LARS1: variants seen among roughly 807,000 people sequenced by gnomAD.
The protein encoded by LARS1 is leucyl-tRNA synthetase 1, also known as leucine--tRNA ligase, cytoplasmic.
LARS1 carries 100 observed loss-of-function variants against 162.8 expected under a neutral mutation model. That is an observed-to-expected ratio of 0.61 (90% CI 0.52 to 0.73). The LOEUF (loss-of-function observed/expected upper bound fraction) is 0.73. Among genes scored for constraint, LARS1 ranks in the 30% least tolerant of loss-of-function variants. The probability of loss-of-function intolerance (pLI) is 0.00; values close to 1 mark genes in which losing one functional copy is unlikely to be tolerated. For synonymous variants in LARS1, 457 were observed against 462.8 expected, an observed-to-expected ratio of 0.99 and a Z score of 0.16; for missense variants, 1,258 against 1,408.9, an observed-to-expected ratio of 0.89 and a Z score of 1.71.
In LARS1 at chr5:146,143,398, A is replaced by C. The variant is rs1414192539; in HGVS notation, c.1877+14T>G. On this transcript the variant is annotated intron_variant, in intron 19 of 31. Coordinates refer to ENST00000394434, the MANE Select transcript of LARS1 (RefSeq NM_020117.11). The stretch of plus-strand genomic sequence containing the variant: ...CTGACAAATTATGCTCCTTTCCCTT[A>C]TCTGTTTACCAACCTAATGCCCAGC... 3 of 1,606,208 alleles carry C rather than the reference A, an allele frequency of 1.9e-6. No homozygotes were observed. Among genetic ancestry groups the C allele is most frequent in the Non-Finnish European group, 2.6e-6 (3 of 1,175,122 alleles).
chr5:146,146,867 C>T (rs1753033818), intron 15 of LARS1, among the ~76,000 whole-genome samples: 1 of 151,838 alleles, frequency 6.6e-6, no homozygotes, highest in South Asian at 2.1e-4. Flanking sequence ...GCAGACACTA[C>T]CATGCCCGGC....
At chr5:146,151,765 G>C in intron 14 of LARS1, 97 bp downstream of exon 14, 1 of 1,142,952 alleles carries the variant, frequency 8.7e-7, no homozygotes, top group South Asian at 1.4e-5. Flanking sequence ...TCAATGTATA[G>C]CTGAAACTAT....
In LARS1 at chr5:146,176,885, C is replaced by A. The variant is rs570049619; in HGVS notation, c.125+662G>T. Among the ~76,000 whole-genome samples the A allele has an allele frequency of 2.0e-5, 3 of 151,954 alleles. No homozygotes were observed. The East Asian group carries it at 5.8e-4, about 29-fold the overall frequency. The stretch of plus-strand genomic sequence containing the variant: ...ATTTTCTGTCTTTGGAGATAATAAT[C>A]GTCTATGAGTCTAATAGAATAATTT... On this transcript the variant is annotated intron_variant, in intron 2 of 31. Transcript: ENST00000394434.
At chr5:146,167,989 G>C in intron 5 of LARS1, 139 bp downstream of exon 5, 2 of 711,284 alleles carry the variant, frequency 2.8e-6, no homozygotes, top group East Asian at 6.2e-5. Flanking sequence ...TGGCCAGAAA[G>C]ATAATTTTTT....
chr5:146,122,431 T>C, intron 30 of LARS1, 61 bp downstream of exon 30: 1 of 903,732 alleles, frequency 1.1e-6, no homozygotes, highest in Non-Finnish European at 1.8e-6. Context: ...TTAGATGTAA[T>C]GATCTCTAGG....
chr5:146,171,852 G>T (rs73317828), intron 4 of LARS1, 58 bp downstream of exon 4: 1 of 1,208,894 alleles, frequency 8.3e-7, no homozygotes, highest in Non-Finnish European at 1.2e-6. Context: ...TCTTGAATTG[G>T]GTATTACTAT....
intron 22 of LARS1, among the ~76,000 whole-genome samples, chr5:146,134,290 T>C (rs1198814520): frequency 6.6e-6 from 1 of 152,268 alleles, no homozygotes; most frequent in Non-Finnish European, 1.5e-5. Flanking sequence ...GTGAGCTCTG[T>C]GAGGCAGAGG....
rs1400773054 is a variant in LARS1, at chr5:146,126,501, T to C, written c.2925A>G (p.Glu975=). The part of the protein sequence containing the change: ...KLPDNKVIAS[E]LGSMPELKKY... ...TCTTCAGTTCTGGCATACTGCCTAG[T>C]TCACTAGCAATGACTTTGTTGTCAG... Residue 975 remains glutamate, a synonymous_variant, in exon 28 of 32, where the codon GAA becomes GAG. Coordinates refer to ENST00000394434, the MANE Select transcript of LARS1 (RefSeq NM_020117.11). 6.2e-7 allele frequency: 1 copy of C among 1,612,384 alleles called. No homozygotes were observed.
Position 146,143,399 on chromosome 5 carries a change from T to C in LARS1, c.1877+13A>G. The C allele has an allele frequency of 1.2e-6, 2 of 1,606,460 alleles. No homozygotes were observed. Among genetic ancestry groups the C allele is most frequent in the Non-Finnish European group, 8.5e-7 (1 of 1,175,232 alleles). ...TGACAAATTATGCTCCTTTCCCTTA[T>C]CTGTTTACCAACCTAATGCCCAGCG... On this transcript the variant is annotated intron_variant, in intron 19 of 31. Coordinates refer to ENST00000394434, the MANE Select transcript of LARS1 (RefSeq NM_020117.11).
At chr5:146,150,982 C>CACACAA (rs1358228444) in intron 14 of LARS1, among the ~76,000 whole-genome samples, 3 of 151,044 alleles carry the variant, frequency 2.0e-5, no homozygotes, top group South Asian at 2.1e-4. Flanking sequence ...CACACACACA[C>CACACAA]AAATGTAAAT....
chr5:146,159,412 C>T lies in LARS1; in HGVS notation c.766G>A (p.Gly256Arg). 1 of 1,608,538 alleles carries T rather than the reference C, an allele frequency of 6.2e-7. No individual in the cohort carries two copies. The highest frequency in any genetic ancestry group is 8.5e-7 in the Non-Finnish European group (1 of 1,175,204). Residue 256 changes from glycine (G) to arginine (R), a missense_variant, in exon 8 of 32, where the codon GGA becomes AGA. Coordinates refer to ENST00000394434, the MANE Select transcript of LARS1 (RefSeq NM_020117.11). ...QPCMDHDRQT[G>R]EGVGPQEYTL... The stretch of plus-strand genomic sequence containing the variant: ...TCTGTCTCACAAATAATCACCTCTC[C>T]AGTTTGTCTATCATGATCCATGCAA...
intron 13 of LARS1, 120 bp downstream of exon 13, chr5:146,153,054 T>G: frequency 1.3e-6 from 1 of 751,236 alleles, no homozygotes; most frequent in South Asian, 2.0e-5. Context: ...AGTAAATCCT[T>G]AAGCAAACTC....
intron 21 of LARS1, among the ~76,000 whole-genome samples, chr5:146,139,922 T>C (rs1208868776): frequency 6.7e-6 from 1 of 149,602 alleles, no homozygotes; most frequent in Non-Finnish European, 1.5e-5. Flanking sequence ...GTCCTAAATA[T>C]GCTAATTAGA....
chr5:146,119,606 C>T (rs1182400162), intron 31 of LARS1, among the ~76,000 whole-genome samples: 3 of 152,134 alleles, frequency 2.0e-5, no homozygotes, highest in Admixed American at 2.0e-4. Flanking sequence ...AAGAGAGACA[C>T]ACTATCTCCC....
chr5:146,150,622 G>A (rs865906229), intron 14 of LARS1, among the ~76,000 whole-genome samples: 32 of 86,802 alleles, frequency 3.7e-4, no homozygotes, highest in Middle Eastern at 9.6e-3. Flanking sequence ...GCAAGACTCC[G>A]TCTCAAAAAA....
At chr5:146,168,404 A>C (rs1754116753) in intron 4 of LARS1, 139 bp from the exon 5 acceptor site, 2 of 827,352 alleles carry the variant, frequency 2.4e-6, no homozygotes, top group Non-Finnish European at 3.6e-6. Context: ...CACTACAGAA[A>C]ACTGAAACGG....
At chr5:146,114,421 A>T (rs1334662053) in intron 31 of LARS1, 110 bp from the exon 32 acceptor site, 2 of 849,654 alleles carry the variant, frequency 2.4e-6, no homozygotes, top group Non-Finnish European at 3.7e-6. Flanking sequence ...CTAAACAAAA[A>T]TATTTTCTTC....
At chr5:146,173,664 A>T (rs1055219784) in intron 2 of LARS1, among the ~76,000 whole-genome samples, 4 of 151,918 alleles carry the variant, frequency 2.6e-5, no homozygotes, top group African/African-American at 7.3e-5. Flanking sequence ...TATGAAGAAT[A>T]TCTAACATAC....
chr5:146,130,923 G>A, intron 24 of LARS1, 96 bp downstream of exon 24: 1 of 584,102 alleles, frequency 1.7e-6, no homozygotes, highest in Non-Finnish European at 2.9e-6. Flanking sequence ...TACACTTTAG[G>A]CGAGTAATTG....
Sources: allele counts gnomAD v4.1 joint callset (sites outside exome capture counted in the v4.1 genomes callset), GRCh38; gene constraint gnomAD v4.1.1; transcripts MANE v1.5; gene names NCBI Gene and HGNC (gene_info 2026-07-23, HGNC 2026-07-21).